The following ZNF615 variants were observed in gnomAD, a reference collection of about 807,000 sequenced individuals.
ZNF615 encodes zinc finger protein 615.
Under a neutral mutation model 15.3 loss-of-function variants are expected in ZNF615, and 15 were observed. That is an observed-to-expected ratio of 0.98 (90% confidence interval 0.66 to 1.51). The LOEUF (loss-of-function observed/expected upper bound fraction) is 1.51. ZNF615 is among the 40% of genes most tolerant of loss of function. ZNF615 has a pLI of 0.00. For synonymous variants in ZNF615, 268 were observed against 294.6 expected (o/e 0.91, Z 0.92); for missense variants, 848 against 895.9 (o/e 0.95, Z 0.68).
rs996671385 is a variant in ZNF615, at chr19:52,008,126, A to T, written c.-228+15T>A. On this transcript the variant is annotated intron_variant, in intron 1 of 6. Transcript: ENST00000598071. ...TCCCCCGTCACCACAGCGACCACCC[A>T]GTGACTGAACTTACTTCCCAGAACT... The T allele has an allele frequency of 6.5e-7, 1 of 1,535,286 alleles. No homozygotes were observed. Among genetic ancestry groups the T allele is most frequent in the Admixed American group, 2.0e-5 (1 of 50,980 alleles).
rs142345784 is a variant in ZNF615, at chr19:51,994,615, T to C, written c.494A>G (p.Asn165Ser). 9.9e-5 allele frequency: 159 copies of C among 1,613,436 alleles called. No homozygotes were observed. Among genetic ancestry groups the C allele is most frequent in the Non-Finnish European group, 1.3e-4 (151 of 1,179,962 alleles). ...CCCATCTCTATTAAACTCAGCAGAG[T>C]TCTTTAGGCCAGAGCTCCTTTTCTG... is the stretch of plus-strand genomic sequence containing the variant. ...ENQKRSSGLK[N>S]SAEFNRDGKS... Residue 165 changes from asparagine (N) to serine (S), a missense_variant, in exon 7 of 7, where the codon AAC (asparagine) becomes AGC (serine). By Grantham distance (46) the Asn-to-Ser change is conservative (BLOSUM62 1). Coordinates refer to ENST00000598071, the MANE Select transcript of ZNF615 (RefSeq NM_001199324.2).
At chr19:52,002,079 T>C (rs2086613188) in intron 4 of ZNF615, 76 bp downstream of exon 4, 6 of 1,613,874 alleles carry the variant, frequency 3.7e-6, no homozygotes, top group Non-Finnish European at 5.1e-6. Context: ...CACTTCAGAG[T>C]ACTGCAGGTA....
At chr19:52,001,100 T>C (rs2086577487) in intron 5 of ZNF615, among the ~76,000 whole-genome samples, 1 of 152,018 alleles carries the variant, frequency 6.6e-6, no homozygotes, top group South Asian at 2.1e-4. Flanking sequence ...AAATTATTAT[T>C]TTCCTACTAG....
In ZNF615 at chr19:51,993,776, C is replaced by G; in HGVS notation, c.1333G>C (p.Gly445Arg). ...GGGCTCTTCAAAGCGAAGCCCTTTC[C>G]ACACTCATTGCATTTATAAGGTTTC... ...GEKPYKCNEC[G>R]KGFALKSPLI... is the part of the protein sequence containing the mutation. The change falls in exon 7 of 7, where the codon GGA becomes CGA. Residue 445 changes from glycine to arginine, a missense_variant. By Grantham distance (125) the Gly-to-Arg change is moderately radical. Transcript: ENST00000598071. The G allele has an allele frequency of 1.2e-6, 2 of 1,614,142 alleles. No homozygotes were observed. The highest frequency in any genetic ancestry group is 2.2e-5 in the East Asian group (1 of 44,874).
intron 2 of ZNF615, among the ~76,000 whole-genome samples, chr19:52,006,071 A>C (rs2086744212): frequency 6.6e-6 from 1 of 152,226 alleles, no homozygotes; most frequent in Non-Finnish European, 1.5e-5. Context: ...AAACTTTCTT[A>C]AAAGGTAATA....
At position 51,993,265 on chromosome 19, in the gene ZNF615, C is replaced by T. The variant is rs1360900589; in HGVS notation, c.1844G>A (p.Gly615Asp). The change falls in exon 7 of 7, where the codon GGC (glycine) becomes GAC (aspartate). Residue 615 changes from glycine to aspartate, a missense_variant. By Grantham distance (94) the Gly-to-Asp change is moderately conservative (BLOSUM62 -1). Transcript: ENST00000598071. ...KPYICNECGKGFTMKSTLSIH... is the reference protein window; with the variant it reads ...KPYICNECGKDFTMKSTLSIH... ...ACTGAGAGTACTCTTCATGGTGAAGCCCTTTCCACATTCATTGCATATATA... is the reference window on the plus strand; with the variant it reads ...ACTGAGAGTACTCTTCATGGTGAAGTCCTTTCCACATTCATTGCATATATA... 6.2e-7 allele frequency: 1 copy of T among 1,614,100 alleles called. No individual in the cohort carries two copies.
chr19:52,002,040 T>C (rs2123063532), intron 4 of ZNF615, 115 bp downstream of exon 4: 1 of 1,604,354 alleles, frequency 6.2e-7, no homozygotes, highest in East Asian at 2.2e-5. Flanking sequence ...CTCTCTTGTG[T>C]GGGGCAAGAG....
chr19:52,001,147 T>C (rs1411950872), intron 5 of ZNF615, among the ~76,000 whole-genome samples: 1 of 151,716 alleles, frequency 6.6e-6, no homozygotes, highest in South Asian at 2.1e-4. Flanking sequence ...AAGTAATGAG[T>C]TCAAAGGTCT....
rs146214715 is a variant in ZNF615, at chr19:51,994,428, C to T, written c.681G>A (p.Leu227=). Reference sequence around the variant, plus strand: ...CTCTCTGATGATCAATAAACTGAGACAACTTGAGGAAGGCTTTCCCACATT... The same window carrying T: ...CTCTCTGATGATCAATAAACTGAGATAACTTGAGGAAGGCTTTCCCACATT... The part of the protein sequence containing the change: ...CSECGKAFLK[L]SQFIDHQRVH... The change falls in exon 7 of 7, where the codon TTG becomes TTA. Residue 227 remains leucine (L), a synonymous_variant. Transcript: ENST00000598071. The T allele has an allele frequency of 3.1e-5, 50 of 1,614,132 alleles. No homozygotes were observed. The African/African-American group carries it at 5.2e-4, about 17-fold the overall frequency.
intron 5 of ZNF615, 76 bp from the exon 6 acceptor site, chr19:52,000,454 T>G (rs1382422300): frequency 5.4e-6 from 3 of 551,846 alleles, no homozygotes; most frequent in Non-Finnish European, 9.7e-6. Flanking sequence ...GCATTATTCT[T>G]AGAGGGAAGA....
rs2086358950 is a variant in ZNF615, at chr19:51,994,463, C to T, written c.646G>A (p.Val216Ile). 6.2e-7 allele frequency: 1 copy of T among 1,614,172 alleles called. No individual in the cohort carries two copies. Among genetic ancestry groups the T allele is most frequent in the East Asian group, 2.2e-5 (1 of 44,880 alleles). Residue 216 changes from valine (V) to isoleucine (I), a missense_variant, in exon 7 of 7, where the codon GTA becomes ATA. Physicochemically the swap from Val to Ile is conservative, Grantham distance 29. Coordinates refer to ENST00000598071, the MANE Select transcript of ZNF615 (RefSeq NM_001199324.2). Reference protein sequence around the residue: ...QRTHNIENAHVCSECGKAFLK... With the variant: ...QRTHNIENAHICSECGKAFLK... ...AAGGCTTTCCCACATTCACTGCATA[C>T]ATGGGCATTCTCTATGTTGTGAGTT...
rs1302903029 is a variant in ZNF615, at chr19:52,001,818, C to G, written c.233G>C (p.Cys78Ser). ...TGGCTGCTCCTCTCACTCACCAGAA[C>G]AGATTCGAGAGTAGATTTCATCTTC... Reference protein sequence around the residue: ...TTEDEIYSRICSDSGGASGGA... With the variant: ...TTEDEIYSRISSDSGGASGGA... The change falls in exon 5 of 7, where the codon TGT becomes TCT. Residue 78 changes from cysteine (C) to serine (S), a missense_variant. By Grantham distance (112) the Cys-to-Ser change is moderately radical. Transcript: ENST00000598071. 1.9e-6 allele frequency: 3 copies of G among 1,613,870 alleles called. No homozygotes were observed. Among genetic ancestry groups the G allele is most frequent in the Non-Finnish European group, 2.5e-6 (3 of 1,179,926 alleles).
In ZNF615 at chr19:52,003,895, T is replaced by C; in HGVS notation, c.-184A>G. ...CTTGATTTCTCTTGTTCTCAGCACC[T>C]GTGGGCTGAAGAGCAAATTACTCTG... On this transcript the variant is annotated 5_prime_UTR_variant, in exon 3 of 7. Transcript: ENST00000598071. The C allele has an allele frequency of 2.1e-6, 3 of 1,397,648 alleles. No homozygotes were observed. The highest frequency in any genetic ancestry group is 2.8e-6 in the Non-Finnish European group (3 of 1,078,054). 86.6% of individuals were successfully genotyped at this position (1,397,648 alleles called of 1,614,324 possible).
chr19:51,991,504 G>T lies in ZNF615; in HGVS notation c.*1376C>A, dbSNP rs2086233453. On this transcript the variant is annotated 3_prime_UTR_variant, in exon 7 of 7. Coordinates refer to ENST00000598071, the MANE Select transcript of ZNF615 (RefSeq NM_001199324.2). ...GCAGAACAACTTGGATGGATTTCAG[G>T]TTAATCTGCTTTAGTTGAAATAGCC... 6.6e-6 allele frequency: 1 copy of T among 152,188 alleles called. No individual in the cohort carries two copies. The highest frequency in any genetic ancestry group is 6.5e-5 in the Admixed American group (1 of 15,280). The allele number at this position is 152,188 out of a possible 1,614,324, so 9.4% of individuals were successfully genotyped here. A position where few individuals can be genotyped will look rare whatever the true frequency, so the allele number is the denominator to read the frequency against.
chr19:51,994,399 TG>T lies in ZNF615; in HGVS notation c.709del (p.His237ThrfsTer22). The T allele has an allele frequency of 3.1e-6, 5 of 1,614,194 alleles. No individual in the cohort carries two copies. Among genetic ancestry groups the T allele is most frequent in the Non-Finnish European group, 4.2e-6 (5 of 1,180,022 alleles). The part of the protein sequence containing the change: ...LSQFIDHQRV[H>X]TGEKPHVCSM... ...GCATACATGAGGTTTTTCTCCAGTG[TG>T]AACTCTCTGATGATCAATAAACTGA... On this transcript the variant is annotated frameshift_variant, in exon 7 of 7. Coordinates refer to ENST00000598071, the MANE Select transcript of ZNF615 (RefSeq NM_001199324.2). LOFTEE classifies it low-confidence loss of function (END_TRUNC).
intron 6 of ZNF615, among the ~76,000 whole-genome samples, chr19:51,997,962 T>C (rs976745765): frequency 8.0e-6 from 1 of 124,628 alleles, no homozygotes; most frequent in Non-Finnish European, 1.6e-5. Flanking sequence ...TTCTTCTTTC[T>C]ATACTTTTTA....
intron 6 of ZNF615, among the ~76,000 whole-genome samples, chr19:51,995,881 T>C (rs927749376): frequency 2.6e-4 from 39 of 152,142 alleles, no homozygotes; most frequent in Admixed American, 2.3e-3. Flanking sequence ...TTCACGAAGG[T>C]TTAATTTTAG....
chr19:51,993,747 G>A lies in ZNF615; in HGVS notation c.1362C>T (p.Leu454=), dbSNP rs1302106998. The change falls in exon 7 of 7, where the codon CTC becomes CTT. Residue 454 remains leucine (L), a synonymous_variant. Coordinates refer to ENST00000598071, the MANE Select transcript of ZNF615 (RefSeq NM_001199324.2). The part of the protein sequence containing the change: ...CGKGFALKSP[L]IRHQRTHTGE... Reference sequence around the variant, plus strand: ...CAGTATGTGTTCGCTGATGTCTGATGAGTGGGCTCTTCAAAGCGAAGCCCT... The same window carrying A: ...CAGTATGTGTTCGCTGATGTCTGATAAGTGGGCTCTTCAAAGCGAAGCCCT... 3 of 1,613,842 alleles carry A rather than the reference G, an allele frequency of 1.9e-6. No individual in the cohort carries two copies. Among genetic ancestry groups the A allele is most frequent in the African/African-American group, 1.3e-5 (1 of 74,844 alleles).
chr19:51,992,735 A>G lies in ZNF615; in HGVS notation c.*145T>C. ...ACATAATGTCCTAAAATATTTTCTC[A>G]AATGTTTTGTACATGTTTTCTCTGA... On this transcript the variant is annotated 3_prime_UTR_variant, in exon 7 of 7. Coordinates refer to ENST00000598071, the MANE Select transcript of ZNF615 (RefSeq NM_001199324.2). 9.8e-7 allele frequency: 1 copy of G among 1,017,000 alleles called. No individual in the cohort carries two copies. Among genetic ancestry groups the G allele is most frequent in the Non-Finnish European group, 1.4e-6 (1 of 691,506 alleles). The allele number at this position is 1,017,000 out of a possible 1,614,324, so 63.0% of individuals were successfully genotyped here. A position where few individuals can be genotyped will look rare whatever the true frequency, so the allele number is the denominator to read the frequency against.
Sources: allele counts gnomAD v4.1 joint callset (sites outside exome capture counted in the v4.1 genomes callset), GRCh38; gene constraint gnomAD v4.1.1; transcripts MANE v1.5; gene names NCBI Gene and HGNC (gene_info 2026-07-23, HGNC 2026-07-21).